Variants in MINDY4B observed in about 807,000 individuals in gnomAD.
The protein encoded by MINDY4B is MINDY family member 4B.
A neutral mutation model predicts 16.7 loss-of-function variants in MINDY4B; 25 were observed. The ratio of observed to expected loss-of-function variants is 1.49; its 90% CI spans 1.09 to 2.09. The LOEUF (loss-of-function observed/expected upper bound fraction) is 2.09. Ranked by LOEUF, MINDY4B falls within the 30% of genes most tolerant of loss-of-function variation. The probability of loss-of-function intolerance (pLI) is 0.00; values close to 1 mark genes in which losing one functional copy is unlikely to be tolerated. For missense variants in MINDY4B, 327 were observed against 168.4 expected, an observed-to-expected ratio of 1.94 and a Z score of -5.21; for synonymous variants, 132 against 61.9, an observed-to-expected ratio of 2.13 and a Z score of -5.32.
intron 3 of MINDY4B, among the ~76,000 whole-genome samples, chr3:150,895,861 A>G (rs1330494453): frequency 1.3e-5 from 2 of 152,162 alleles, no homozygotes; most frequent in Admixed American, 6.5e-5. Context: ...TGAATTTCCC[A>G]GGTGTTTGTG....
At chr3:150,898,624 C>G (rs1712035674) in intron 3 of MINDY4B, among the ~76,000 whole-genome samples, 1 of 152,162 alleles carries the variant, frequency 6.6e-6, no homozygotes. Flanking sequence ...GTAAATGGTC[C>G]TCATAAGTGG....
chr3:150,883,912 C>A, intron 8 of MINDY4B, 140 bp from the exon 9 acceptor site: 1 of 612,394 alleles, frequency 1.6e-6, no homozygotes, highest in South Asian at 1.9e-5. Context: ...TTCCATCTCT[C>A]ACAGGGAAAG....
chr3:150,895,725 A>G (rs1711945508), intron 3 of MINDY4B, among the ~76,000 whole-genome samples: 1 of 152,134 alleles, frequency 6.6e-6, no homozygotes, highest in Admixed American at 6.5e-5. Flanking sequence ...TTGGCCTCCC[A>G]AAGTGCTGGG....
At chr3:150,902,511 G>T (rs1039798314) in intron 3 of MINDY4B, among the ~76,000 whole-genome samples, 1 of 152,210 alleles carries the variant, frequency 6.6e-6, no homozygotes, top group Admixed American at 6.5e-5. Flanking sequence ...CCTTGCCTCT[G>T]CTTCCCAAGT....
intron 10 of MINDY4B, among the ~76,000 whole-genome samples, 192 bp from the exon 11 acceptor site, chr3:150,873,559 G>T (rs1246187403): frequency 6.6e-6 from 1 of 152,162 alleles, no homozygotes; most frequent in Non-Finnish European, 1.5e-5. Context: ...TGAATGATCT[G>T]GTATAGTGGT....
At chr3:150,878,268 CTA>C (rs950624288) in intron 10 of MINDY4B, among the ~76,000 whole-genome samples, 38 of 152,230 alleles carry the variant, frequency 2.5e-4, no homozygotes, top group African/African-American at 8.2e-4. Flanking sequence ...ATAAACTTGA[CTA>C]TAAATATGCT....
intron 7 of MINDY4B, among the ~76,000 whole-genome samples, chr3:150,888,624 AATAT>A (rs1368403680): frequency 6.6e-6 from 1 of 152,082 alleles, no homozygotes; most frequent in African/African-American, 2.4e-5. Context: ...CCTTGAGAGG[AATAT>A]ATATACACCA....
rs541734590 is a variant in MINDY4B, at chr3:150,873,314, A to G, written c.1113T>C (p.Asn371=). The G allele has an allele frequency of 1.4e-6, 1 of 702,874 alleles. No individual in the cohort carries two copies. Among genetic ancestry groups the G allele is most frequent in the African/African-American group, 1.7e-5 (1 of 57,380 alleles). 43.5% of individuals were successfully genotyped at this position (702,874 alleles called of 1,614,324 possible). ...TGCAAAAAAGGATGCTGTAATTTCC[A>G]TTGATGTTGCACAGCCAAATAGGTA... ...PKLPIWLCNI[N]GNYSILFCTN... Residue 371 remains asparagine, a synonymous_variant, in exon 11 of 12, where the codon AAT becomes AAC. Transcript: ENST00000465419.
At chr3:150,895,676 C>T (rs554555903) in intron 3 of MINDY4B, among the ~76,000 whole-genome samples, 2 of 152,116 alleles carry the variant, frequency 1.3e-5, no homozygotes, top group Non-Finnish European at 2.9e-5. Context: ...TGTTGGCCAG[C>T]CTGTTCTTGA....
chr3:150,888,384 T>A (rs1274912128), intron 7 of MINDY4B, among the ~76,000 whole-genome samples: 1 of 152,134 alleles, frequency 6.6e-6, no homozygotes, highest in Non-Finnish European at 1.5e-5. Context: ...AAGATCCATA[T>A]TCACAGGTAC....
At chr3:150,887,879 C>T (rs995911729) in intron 7 of MINDY4B, among the ~76,000 whole-genome samples, 6 of 152,140 alleles carry the variant, frequency 3.9e-5, no homozygotes, top group Non-Finnish European at 7.4e-5. Flanking sequence ...GAGGTTGAGG[C>T]GGGCGGATCA....
At chr3:150,905,199 T>C in intron 1 of MINDY4B, 110 bp from the exon 2 acceptor site, 1 of 398,362 alleles carries the variant, frequency 2.5e-6, no homozygotes. Flanking sequence ...CCACGAATAG[T>C]TATGCCTGAA....
At chr3:150,875,507 A>ATT (rs1667161604) in intron 10 of MINDY4B, among the ~76,000 whole-genome samples, 1 of 152,220 alleles carries the variant, frequency 6.6e-6, no homozygotes, top group South Asian at 2.1e-4. Flanking sequence ...TTCACAGAAT[A>ATT]TTTGTAATGT....
chr3:150,900,625 A>G (rs1179940130), intron 3 of MINDY4B, among the ~76,000 whole-genome samples: 1 of 152,212 alleles, frequency 6.6e-6, no homozygotes, highest in Admixed American at 6.5e-5. Flanking sequence ...ATGGGAATAA[A>G]TCCAAATTTA....
chr3:150,894,278 T>G lies in MINDY4B; in HGVS notation c.337A>C (p.Thr113Pro). Reference sequence around the variant, plus strand: ...CAGTTATAGCTAAAGACATGGACTGTGTTTCCAAACAGGATCTGCCGCAGC... The same window carrying G: ...CAGTTATAGCTAAAGACATGGACTGGGTTTCCAAACAGGATCTGCCGCAGC... ...TKLRQILFGN[T>P]VHVFSYNWKK... Residue 113 changes from threonine to proline, a missense_variant, in exon 4 of 12, where the codon ACA becomes CCA. Thr to Pro is a conservative substitution (Grantham distance 38). Transcript: ENST00000465419. 2 of 698,038 alleles carry G rather than the reference T, an allele frequency of 2.9e-6. No individual in the cohort carries two copies. The highest frequency in any genetic ancestry group is 5.2e-6 in the Non-Finnish European group (2 of 383,706). 43.2% of individuals were successfully genotyped at this position (698,038 alleles called of 1,614,324 possible).
At chr3:150,890,800 G>A (rs1306926843) in intron 6 of MINDY4B, 138 bp downstream of exon 6, 5 of 601,798 alleles carry the variant, frequency 8.3e-6, no homozygotes, top group Non-Finnish European at 1.5e-5. Context: ...ACAGCCCTTG[G>A]TACCTGCCTC....
chr3:150,893,702 G>GGGT (rs1711882829), intron 4 of MINDY4B, among the ~76,000 whole-genome samples: 1 of 89,718 alleles, frequency 1.1e-5, no homozygotes, highest in African/African-American at 3.1e-5. Context: ...TTTTTGGGGG[G>GGGT]GGGGGTGGGG....
chr3:150,903,978 A>G (rs1712179087), intron 2 of MINDY4B, among the ~76,000 whole-genome samples: 1 of 152,164 alleles, frequency 6.6e-6, no homozygotes, highest in African/African-American at 2.4e-5. Context: ...AGTTAGCATC[A>G]GCTCTTCTTC....
chr3:150,885,581 A>C, intron 7 of MINDY4B, 143 bp from the exon 8 acceptor site: 1 of 629,026 alleles, frequency 1.6e-6, no homozygotes, highest in Non-Finnish European at 2.8e-6. Context: ...TGCCTCCATA[A>C]GTCTTCCTAC....
Sources: gnomAD v4.1 joint callset for allele counts (sites outside exome capture counted in the v4.1 genomes callset) on GRCh38, gnomAD v4.1.1 for gene constraint, MANE v1.5 for transcripts, NCBI Gene and HGNC (gene_info 2026-07-23, HGNC 2026-07-21) for gene names.